Variants in NRXN1 observed in about 807,000 individuals in gnomAD.
NRXN1 encodes neurexin 1, also known as neurexin-1.
In NRXN1, 39 loss-of-function variants were observed where a neutral mutation model predicts 150.9. The observed-to-expected ratio is 0.26, with a 90% CI of 0.20 to 0.34. The LOEUF is 0.34. NRXN1 is among the 10% of genes least tolerant of loss of function. The pLI is 1.00. For synonymous variants in NRXN1, 924 were observed against 757.0 expected, an observed-to-expected ratio of 1.22 and a Z score of -3.62; for missense variants, 1,815 against 1,949.9, an observed-to-expected ratio of 0.93 and a Z score of 1.30.
chr2:51,019,862 T>C (rs898882351), intron 2 of NRXN1, among the ~76,000 whole-genome samples: 5 of 152,040 alleles, frequency 3.3e-5, no homozygotes, highest in Non-Finnish European at 7.4e-5. Flanking sequence ...GAGTACTTTC[T>C]CTGCTTACTT....
intron 17 of NRXN1, among the ~76,000 whole-genome samples, chr2:50,299,022 T>C (rs952419409): frequency 6.6e-6 from 1 of 152,128 alleles, no homozygotes; most frequent in Admixed American, 6.5e-5. Context: ...GAAAATGCCA[T>C]CCTTTTATTA....
chr2:50,606,630 T>TAATAATAAA (rs1309661805), intron 8 of NRXN1, among the ~76,000 whole-genome samples: 33 of 150,440 alleles, frequency 2.2e-4, no homozygotes, highest in African/African-American at 4.1e-4. Flanking sequence ...ATAATAATAA[T>TAATAATAAA]AAAATAAAAC....
At chr2:50,511,704 A>T (rs1186629883) in intron 12 of NRXN1, among the ~76,000 whole-genome samples, 1 of 152,162 alleles carries the variant, frequency 6.6e-6, no homozygotes, top group African/African-American at 2.4e-5. Context: ...AGTTAACCCT[A>T]ACTTGAGGCA....
chr2:50,536,203 C>G (rs550433887), intron 10 of NRXN1, among the ~76,000 whole-genome samples: 1 of 152,278 alleles, frequency 6.6e-6, no homozygotes, highest in African/African-American at 2.4e-5. Flanking sequence ...GGCACCCTAA[C>G]GTGAGCAAGA....
At chr2:50,503,580 A>T (rs1027190330) in intron 13 of NRXN1, among the ~76,000 whole-genome samples, 9 of 145,696 alleles carry the variant, frequency 6.2e-5, no homozygotes, top group African/African-American at 2.3e-4. Flanking sequence ...TAAAAAAAAA[A>T]TAGGAAAGAA....
At chr2:50,441,042 C>A (rs946307873) in intron 17 of NRXN1, among the ~76,000 whole-genome samples, 1 of 152,128 alleles carries the variant, frequency 6.6e-6, no homozygotes, top group Non-Finnish European at 1.5e-5. Flanking sequence ...AATTGAAATA[C>A]AGAGAAGATT....
intron 21 of NRXN1, among the ~76,000 whole-genome samples, chr2:49,950,653 C>T (rs970640784): frequency 3.3e-5 from 5 of 151,820 alleles, no homozygotes; most frequent in South Asian, 2.1e-4. Context: ...TTATTTTTCT[C>T]GGAATGTAAC....
intron 15 of NRXN1, among the ~76,000 whole-genome samples, chr2:50,493,047 CCTT>C (rs2091350109): frequency 6.6e-6 from 1 of 152,186 alleles, no homozygotes; most frequent in Non-Finnish European, 1.5e-5. Flanking sequence ...AGTTGGCTGA[CCTT>C]CTTTTGAGAA....
At chr2:50,694,198 G>A (rs1692481334) in intron 5 of NRXN1, among the ~76,000 whole-genome samples, 1 of 152,118 alleles carries the variant, frequency 6.6e-6, no homozygotes, top group Non-Finnish European at 1.5e-5. Context: ...CGTATGAATT[G>A]TTACTTGAAT....
intron 5 of NRXN1, among the ~76,000 whole-genome samples, chr2:50,887,912 T>C (rs1255620981): frequency 6.6e-6 from 1 of 151,114 alleles, no homozygotes; most frequent in African/African-American, 2.4e-5. Context: ...AAAATAGTTA[T>C]TTTTTTATCT....
chr2:51,025,069 A>G (rs1670214023), intron 2 of NRXN1, among the ~76,000 whole-genome samples: 2 of 152,130 alleles, frequency 1.3e-5, no homozygotes, highest in South Asian at 2.1e-4. Flanking sequence ...AGCAAAATGG[A>G]GCCAATCCTT....
intron 5 of NRXN1, among the ~76,000 whole-genome samples, chr2:50,778,781 C>T (rs1260782941): frequency 3.9e-5 from 6 of 152,124 alleles, no homozygotes; most frequent in Non-Finnish European, 8.8e-5. Flanking sequence ...TGCTGATGTT[C>T]GTTTGTTACA....
intron 18 of NRXN1, among the ~76,000 whole-genome samples, chr2:50,155,635 TC>T (rs1261884226): frequency 6.6e-6 from 1 of 151,550 alleles, no homozygotes; most frequent in African/African-American, 2.4e-5. Context: ...CCTGTTTTTT[TC>T]CACCCTGACA....
chr2:50,809,037 C>T (rs1052513522), intron 5 of NRXN1, among the ~76,000 whole-genome samples: 3 of 152,068 alleles, frequency 2.0e-5, no homozygotes, highest in Admixed American at 6.6e-5. Flanking sequence ...AGCTTAAGTA[C>T]TTTCCGTAGA....
intron 5 of NRXN1, among the ~76,000 whole-genome samples, chr2:50,879,694 G>A (rs566299324): frequency 1.5e-4 from 23 of 151,958 alleles, no homozygotes; most frequent in African/African-American, 5.5e-4. Context: ...TCTAGTCTGT[G>A]AACAGATGAA....
chr2:50,971,169 A>G (rs1167489996), intron 2 of NRXN1, among the ~76,000 whole-genome samples: 1 of 152,168 alleles, frequency 6.6e-6, no homozygotes, highest in Non-Finnish European at 1.5e-5. Flanking sequence ...TCATATTTCA[A>G]TATTCACCTC....
intron 2 of NRXN1, among the ~76,000 whole-genome samples, chr2:50,943,999 T>C (rs1575009249): frequency 6.6e-6 from 1 of 152,172 alleles, no homozygotes; most frequent in Non-Finnish European, 1.5e-5. Context: ...AAAACCATCT[T>C]GCATCTCTGA....
chr2:50,937,035 G>T (rs531671320), intron 2 of NRXN1, among the ~76,000 whole-genome samples: 1 of 152,082 alleles, frequency 6.6e-6, no homozygotes, highest in Non-Finnish European at 1.5e-5. Flanking sequence ...TCTAGGGTCT[G>T]TTATCACAAA....
chr2:50,791,851 G>A (rs1454478452), intron 5 of NRXN1, among the ~76,000 whole-genome samples: 2 of 152,014 alleles, frequency 1.3e-5, no homozygotes, highest in East Asian at 3.9e-4. Context: ...TTAATTCAAA[G>A]AGAAGATTCT....
Sources: allele counts gnomAD v4.1 joint callset (sites outside exome capture counted in the v4.1 genomes callset), GRCh38; gene constraint gnomAD v4.1.1; transcripts MANE v1.5; gene names NCBI Gene and HGNC (gene_info 2026-07-23, HGNC 2026-07-21).